The following BRCA2 variants were observed in gnomAD, a reference collection of about 807,000 sequenced individuals.
BRCA2 encodes BRCA2 DNA repair associated.
BRCA2 carries 203 observed loss-of-function variants against 276.7 expected under a neutral mutation model. The ratio of observed to expected loss-of-function variants is 0.73; its 90% CI spans 0.65 to 0.82. The LOEUF (loss-of-function observed/expected upper bound fraction) is 0.82. Ranked by LOEUF, BRCA2 falls within the 40% of genes least tolerant of loss-of-function variation. BRCA2 has a pLI of 0.00. For synonymous variants in BRCA2, 1,289 were observed against 1,338.4 expected (o/e 0.96, Z 0.81); for missense variants, 3,920 against 3,915.0 (o/e 1.00, Z -0.03).
At chr13:32,381,433 A>G (rs1435492066) in intron 24 of BRCA2, among the ~76,000 whole-genome samples, 1 of 152,164 alleles carries the variant, frequency 6.6e-6, no homozygotes, top group Non-Finnish European at 1.5e-5. Flanking sequence ...GTGAGGAGAG[A>G]GACCTCCCTG....
rs80359646 is a variant in BRCA2, at chr13:32,355,212, GA to G, written c.7360del (p.Ile2454PhefsTer13). ...DSKNKINDNE[I>X]HQFNKNNSNQ... is the part of the protein sequence containing the mutation. Reference sequence around the variant, plus strand: ...GTAAAAATAAGATTAATGACAATGAGATTCATCAGTTTAACAAAAACAACTC... The same window carrying G: ...GTAAAAATAAGATTAATGACAATGAGTTCATCAGTTTAACAAAAACAACTC... On this transcript the variant is annotated frameshift_variant, in exon 14 of 27. Coordinates refer to ENST00000380152, the MANE Select transcript of BRCA2 (RefSeq NM_000059.4). LOFTEE classifies it high-confidence loss of function. The G allele has an allele frequency of 2.5e-6, 4 of 1,611,478 alleles. No homozygotes were observed. Among genetic ancestry groups the G allele is most frequent in the Non-Finnish European group, 3.4e-6 (4 of 1,178,272 alleles).
At chr13:32,319,027 A>G (rs1467060043) in intron 2 of BRCA2, 50 bp from the exon 3 acceptor site, 4 of 1,605,362 alleles carry the variant, frequency 2.5e-6, no homozygotes, top group Middle Eastern at 2.0e-4. Flanking sequence ...CTGGGTCACA[A>G]ATTTGTCTGT....
At chr13:32,349,868 T>C (rs1832765461) in intron 13 of BRCA2, among the ~76,000 whole-genome samples, 1 of 149,856 alleles carries the variant, frequency 6.7e-6, no homozygotes, top group Admixed American at 6.6e-5. Context: ...TGGGCAACTG[T>C]CTCCTGCCCG....
rs80359543 is a variant in BRCA2 at position 32,340,202 on chromosome 13, TGTTA to T, written c.5851_5854del (p.Ser1951TrpfsTer11). On this transcript the variant is annotated frameshift_variant, in exon 11 of 27. Coordinates refer to ENST00000380152, the MANE Select transcript of BRCA2 (RefSeq NM_000059.4). LOFTEE classifies it high-confidence loss of function. ...AAGTTTCTAAAATATCACCTTGTGA[TGTTA>T]GTTTGGAAACTTCAGATATATGTAA... 1.9e-6 allele frequency: 3 copies of T among 1,613,762 alleles called. No individual in the cohort carries two copies. The highest frequency in any genetic ancestry group is 1.6e-4 in the Middle Eastern group (1 of 6,082).
Position 32,379,827 on chromosome 13 carries a change from C to G in BRCA2, c.9031C>G (p.Leu3011Val). 4 of 1,612,942 alleles carry G rather than the reference C, an allele frequency of 2.5e-6. No individual in the cohort carries two copies. The highest frequency in any genetic ancestry group is 3.4e-6 in the Non-Finnish European group (4 of 1,179,010). ...TEGKRYRIYH[L>V]ATSKSKSKSE... ...AGGAAAGAGATACAGAATTTATCAT[C>G]TTGCAACTTCAAAATCTAAAAGTAA... The change falls in exon 23 of 27, where the codon CTT becomes GTT. Residue 3011 changes from leucine (L) to valine (V), a missense_variant. Transcript: ENST00000380152.
At chr13:32,366,178 A>G (rs1468471169) in intron 18 of BRCA2, among the ~76,000 whole-genome samples, 1 of 152,234 alleles carries the variant, frequency 6.6e-6, no homozygotes, top group East Asian at 1.9e-4. Context: ...CCAAGAAAGT[A>G]TTTCAAGTAA....
At chr13:32,330,282 A>T (rs1457390594) in intron 8 of BRCA2, among the ~76,000 whole-genome samples, 6 of 152,190 alleles carry the variant, frequency 3.9e-5, no homozygotes, top group Non-Finnish European at 1.5e-5. Context: ...TTGCAGTTTG[A>T]GGTGTGACAG....
At chr13:32,365,480 A>G (rs2072775187) in intron 18 of BRCA2, among the ~76,000 whole-genome samples, 1 of 152,120 alleles carries the variant, frequency 6.6e-6, no homozygotes, top group South Asian at 2.1e-4. Context: ...TCTCGGGTTC[A>G]AGTGATTCTC....
At chr13:32,387,870 C>T (rs1391824349) in intron 24 of BRCA2, among the ~76,000 whole-genome samples, 1 of 152,182 alleles carries the variant, frequency 6.6e-6, no homozygotes, top group Non-Finnish European at 1.5e-5. Context: ...TGAATTGCTT[C>T]ACCTTTTCAA....
At chr13:32,392,710 TTGC>T (rs1566257996) in intron 24 of BRCA2, among the ~76,000 whole-genome samples, 1 of 152,204 alleles carries the variant, frequency 6.6e-6, no homozygotes, top group African/African-American at 2.4e-5. Flanking sequence ...TGTTAACATC[TTGC>T]ATAACCGTAG....
rs571874783 is a variant in BRCA2, at chr13:32,374,518, A to G, written c.8633-2152A>G. Among the ~76,000 whole-genome samples the G allele has an allele frequency of 1.2e-4, 18 of 152,348 alleles. No individual in the cohort carries two copies. The East Asian group carries it at 3.3e-3, about 28-fold the overall frequency. On this transcript the variant is annotated intron_variant, in intron 20 of 26. Transcript: ENST00000380152. ...TCTGCTGCTTAGAAATTTCTTCCAC[A>G]GGATACCCTAAATCATCTCTCTGAA...
At chr13:32,355,486 TAAAAA>T (rs1191693680) in intron 14 of BRCA2, among the ~76,000 whole-genome samples, 198 bp downstream of exon 14, 1 of 152,100 alleles carries the variant, frequency 6.6e-6, no homozygotes, top group Non-Finnish European at 1.5e-5. Context: ...GTGGACTTGT[TAAAAA>T]AAATTAGACA....
intron 24 of BRCA2, chr13:32,385,408 C>A: frequency 4.6e-6 from 1 of 215,868 alleles, no homozygotes. Flanking sequence ...TACGTCCATG[C>A]AGACCTTTGT....
rs80358393 is a variant in BRCA2, at chr13:32,398,624, A to G, written c.10111A>G (p.Thr3371Ala). The G allele has an allele frequency of 1.1e-5, 17 of 1,614,084 alleles. No individual in the cohort carries two copies. In the East Asian group the frequency reaches 2.0e-4, roughly 19 times the overall value. ...QFISVSESTR[T>A]APTSSEDYLR... ...TATATCTGTCAGTGAATCCACTAGG[A>G]CTGCTCCCACCAGTTCAGAAGATTA... The change falls in exon 27 of 27, where the codon ACT becomes GCT. Residue 3371 changes from threonine (T) to alanine (A), a missense_variant. Physicochemically the swap from Thr to Ala is moderately conservative, Grantham distance 58. This residue lies in a region of BRCA2 where 657 missense variants were observed against 758.2 expected (regional missense o/e 0.87). Transcript: ENST00000380152.
chr13:32,319,382 C>T (rs2072291121), intron 3 of BRCA2, 57 bp downstream of exon 3: 2 of 1,507,916 alleles, frequency 1.3e-6, no homozygotes, highest in African/African-American at 1.4e-5. Context: ...TTTAGGCAAA[C>T]CTGTGTTAAA....
At chr13:32,316,886 C>T (rs1051081851) in intron 2 of BRCA2, among the ~76,000 whole-genome samples, 3 of 152,120 alleles carry the variant, frequency 2.0e-5, no homozygotes, top group Non-Finnish European at 4.4e-5. Flanking sequence ...TGTAGCTTAC[C>T]ATATTAGAAA....
At chr13:32,356,016 A>G (rs2072691647) in intron 14 of BRCA2, among the ~76,000 whole-genome samples, 2 of 151,508 alleles carry the variant, frequency 1.3e-5, no homozygotes, top group African/African-American at 4.8e-5. Context: ...GAGGAAATTG[A>G]TATGTATAAT....
At chr13:32,366,277 A>G (rs2072781290) in intron 18 of BRCA2, among the ~76,000 whole-genome samples, 1 of 152,182 alleles carries the variant, frequency 6.6e-6, no homozygotes, top group African/African-American at 2.4e-5. Context: ...ATCTTAAGCT[A>G]TTGTTAGTAA....
chr13:32,376,139 C>G (rs1442192314), intron 20 of BRCA2, among the ~76,000 whole-genome samples: 1 of 151,806 alleles, frequency 6.6e-6, no homozygotes, highest in African/African-American at 2.4e-5. Flanking sequence ...AACAAATATA[C>G]CTATGTTAAC....
Sources: allele counts gnomAD v4.1 joint callset (sites outside exome capture counted in the v4.1 genomes callset), GRCh38; gene constraint gnomAD v4.1.1; regional missense constraint gnomAD v4.1.1; transcripts MANE v1.5; gene names NCBI Gene and HGNC (gene_info 2026-07-23, HGNC 2026-07-21).